The following TDRD9 variants were observed in gnomAD, a reference collection of about 807,000 sequenced individuals.
The protein encoded by TDRD9 is ATP-dependent RNA helicase TDRD9.
TDRD9 carries 124 observed loss-of-function variants against 172.6 expected under a neutral mutation model. The observed-to-expected ratio is 0.72, with a 90% CI of 0.62 to 0.83. The LOEUF is 0.83. Among genes scored for constraint, TDRD9 ranks in the 40% least tolerant of loss-of-function variants. The pLI is 0.00. For synonymous variants in TDRD9, 619 were observed against 617.1 expected (o/e 1.00, Z -0.05); for missense variants, 1,479 against 1,714.1 (o/e 0.86, Z 2.42).
intron 7 of TDRD9, among the ~76,000 whole-genome samples, chr14:103,977,417 C>G (rs180928076): frequency 7.1e-6 from 1 of 141,378 alleles, no homozygotes; most frequent in South Asian, 2.3e-4. Flanking sequence ...GGCATGAACC[C>G]GGGAGGCGGA....
intron 13 of TDRD9, among the ~76,000 whole-genome samples, chr14:104,000,187 G>T (rs1309468149): frequency 6.6e-6 from 1 of 151,954 alleles, no homozygotes; most frequent in Non-Finnish European, 1.5e-5. Context: ...AATTAGCTGG[G>T]TGTGGTGGCT....
intron 1 of TDRD9, among the ~76,000 whole-genome samples, chr14:103,932,267 C>G (rs1415873807): frequency 6.6e-6 from 1 of 152,204 alleles, no homozygotes; most frequent in Non-Finnish European, 1.5e-5. Flanking sequence ...CCTGTGAACC[C>G]CGCACGGTGC....
intron 1 of TDRD9, among the ~76,000 whole-genome samples, chr14:103,951,181 A>G (rs2031854112): frequency 6.6e-6 from 1 of 152,212 alleles, no homozygotes; most frequent in Non-Finnish European, 1.5e-5. Context: ...CCCTAAACAC[A>G]ATTTTATATG....
chr14:103,996,350 TC>T (rs2152205328), intron 12 of TDRD9, among the ~76,000 whole-genome samples: 1 of 152,330 alleles, frequency 6.6e-6, no homozygotes, highest in South Asian at 2.1e-4. Context: ...CAAAGTCCAG[TC>T]CTCATGGCTG....
At chr14:103,946,048 C>T (rs1272464268) in intron 1 of TDRD9, among the ~76,000 whole-genome samples, 3 of 152,068 alleles carry the variant, frequency 2.0e-5, no homozygotes, top group East Asian at 1.9e-4. Context: ...TCACTGCAGC[C>T]TCAGCCTCCT....
intron 27 of TDRD9, 34 bp from the exon 28 acceptor site, chr14:104,026,645 A>T: frequency 6.2e-7 from 1 of 1,603,962 alleles, no homozygotes. Context: ...CTTATTTATA[A>T]AGCTGTTTGA....
At chr14:104,011,158 C>T (rs1190376039) in intron 20 of TDRD9, among the ~76,000 whole-genome samples, 1 of 152,218 alleles carries the variant, frequency 6.6e-6, no homozygotes, top group African/African-American at 2.4e-5. Context: ...CTATGTGGTG[C>T]ATGACTTATA....
At chr14:103,949,825 G>A (rs1039011094) in intron 1 of TDRD9, among the ~76,000 whole-genome samples, 59 of 145,336 alleles carry the variant, frequency 4.1e-4, no homozygotes, top group Non-Finnish European at 7.3e-4. Context: ...GATTACAGGC[G>A]CCCGCCCCAC....
At chr14:104,014,466 A>T (rs1447126442) in intron 20 of TDRD9, among the ~76,000 whole-genome samples, 20 of 151,658 alleles carry the variant, frequency 1.3e-4, no homozygotes, top group Admixed American at 6.6e-4. Context: ...TTTTTTGTAG[A>T]GACTGGGTTT....
intron 7 of TDRD9, among the ~76,000 whole-genome samples, chr14:103,981,615 T>C (rs2033477269): frequency 6.6e-6 from 1 of 152,206 alleles, no homozygotes; most frequent in South Asian, 2.1e-4. Flanking sequence ...GATAAAACCA[T>C]TGTGAGTTGA....
chr14:104,043,095 G>A (rs546968917), intron 34 of TDRD9, among the ~76,000 whole-genome samples: 2 of 152,024 alleles, frequency 1.3e-5, no homozygotes, highest in East Asian at 3.9e-4. Context: ...TGCGAGCATG[G>A]TTCACTGCAG....
rs372641661 is a variant in TDRD9 at position 103,982,287 on chromosome 14, G to A, written c.1012-3930G>A. Among the ~76,000 whole-genome samples the A allele has an allele frequency of 3.9e-5, 6 of 152,290 alleles. No homozygotes were observed. In the East Asian group the frequency reaches 1.2e-3, roughly 29 times the overall value. ...GGTCTCAGGCTGCTCTCCAGCCGTT[G>A]CTGGCCTGTGGACTCTCTCATTCTC... On this transcript the variant is annotated intron_variant, in intron 7 of 35. Transcript: ENST00000409874.
rs2035866080 is a variant in TDRD9 at position 104,049,112 on chromosome 14, ATGTATGTATGTGTG to A, written c.3975-492_3975-479del. ...GGTTGTTGTTGGTATGTATGTATGT[ATGTATGTATGTGTG>A]TGTGTGTGTGTGTGTGTGTGTATGT... is the stretch of plus-strand genomic sequence containing the variant. On this transcript the variant is annotated intron_variant, in intron 34 of 35. Coordinates refer to ENST00000409874, the MANE Select transcript of TDRD9 (RefSeq NM_153046.3). Among the ~76,000 whole-genome samples the A allele has an allele frequency of 5.2e-4, 26 of 50,148 alleles. 1 individual carries two copies. In the South Asian group the frequency reaches 0.028, roughly 54 times the overall value. 32.9% of individuals were successfully genotyped at this position (50,148 alleles called of 152,430 possible). A position where few individuals can be genotyped will look rare whatever the true frequency, so the allele number is the denominator to read the frequency against.
chr14:103,969,918 A>ACTG (rs1382257099), intron 5 of TDRD9, among the ~76,000 whole-genome samples: 4 of 152,014 alleles, frequency 2.6e-5, no homozygotes, highest in African/African-American at 9.7e-5. Flanking sequence ...TGCCTCCCTG[A>ACTG]CTGCTGTCCC....
intron 19 of TDRD9, among the ~76,000 whole-genome samples, chr14:104,007,537 G>A (rs1025381631): frequency 6.6e-6 from 1 of 152,084 alleles, no homozygotes; most frequent in Non-Finnish European, 1.5e-5. Flanking sequence ...TGGGTTGGAC[G>A]TGTCAGTTCA....
At position 103,928,731 on chromosome 14, in the gene TDRD9, C is replaced by A; in HGVS notation, c.215+7C>A. The A allele has an allele frequency of 9.0e-7, 1 of 1,106,202 alleles. No individual in the cohort carries two copies. Among genetic ancestry groups the A allele is most frequent in the Non-Finnish European group, 1.1e-6 (1 of 886,742 alleles). 68.5% of individuals were successfully genotyped at this position (1,106,202 alleles called of 1,614,324 possible). A position where few individuals can be genotyped will look rare whatever the true frequency, so the allele number is the denominator to read the frequency against. ...CGGCCGCTGCGTTCGAAAGGTAGGACGCGGGCGGGGCGGAGGCGGCTGGAG... is the reference window on the plus strand; with the variant it reads ...CGGCCGCTGCGTTCGAAAGGTAGGAAGCGGGCGGGGCGGAGGCGGCTGGAG... On this transcript the variant is annotated splice_region_variant and intron_variant, in intron 1 of 35. Transcript: ENST00000409874.
chr14:104,051,497 G>A (rs1185318749), intron 35 of TDRD9, among the ~76,000 whole-genome samples: 1 of 152,214 alleles, frequency 6.6e-6, no homozygotes, highest in Non-Finnish European at 1.5e-5. Context: ...TCAAATGGTA[G>A]TTCCGTTTTA....
chr14:103,950,410 A>G (rs1437630109), intron 1 of TDRD9, among the ~76,000 whole-genome samples: 1 of 152,214 alleles, frequency 6.6e-6, no homozygotes, highest in Non-Finnish European at 1.5e-5. Flanking sequence ...TCATAATCAA[A>G]TAAATGTCCC....
In TDRD9 at chr14:103,965,525, TGGACCC is replaced by T; in HGVS notation, c.614_619del (p.Trp205_Thr206del). On this transcript the variant is annotated inframe_deletion, in exon 4 of 36. Transcript: ENST00000409874. ...CAGGTGGATCAGTAAAGAGCGTGCCTGGACCCTGGGAGGTGTGGTGGGCTACCAGGT... is the reference window on the plus strand; with the variant it reads ...CAGGTGGATCAGTAAAGAGCGTGCCTTGGGAGGTGTGGTGGGCTACCAGGT... 6.5e-7 allele frequency: 1 copy of T among 1,541,210 alleles called. No individual in the cohort carries two copies. The highest frequency in any genetic ancestry group is 8.7e-7 in the Non-Finnish European group (1 of 1,144,408).
Sources: allele counts gnomAD v4.1 joint callset (sites outside exome capture counted in the v4.1 genomes callset), GRCh38; gene constraint gnomAD v4.1.1; transcripts MANE v1.5; gene names NCBI Gene and HGNC (gene_info 2026-07-23, HGNC 2026-07-21).